ADD3: variants seen among roughly 807,000 people sequenced by gnomAD.
ADD3 encodes the protein gamma-adducin.
A neutral mutation model predicts 80.2 loss-of-function variants in ADD3; 25 were observed. That is an observed-to-expected ratio of 0.31 (90% CI 0.23 to 0.44). The LOEUF (loss-of-function observed/expected upper bound fraction) is 0.44, where lower values mean the gene tolerates loss of function less well. Among genes scored for constraint, ADD3 ranks in the 20% least tolerant of loss-of-function variants. ADD3 has a pLI of 1.00. For missense variants in ADD3, 829 were observed against 847.5 expected (o/e 0.98, Z 0.27); for synonymous variants, 284 against 289.6 (o/e 0.98, Z 0.20).
intron 1 of ADD3, among the ~76,000 whole-genome samples, chr10:110,011,807 A>G (rs555713290): frequency 6.6e-6 from 1 of 152,330 alleles, no homozygotes; most frequent in South Asian, 2.1e-4. Context: ...TTAATACTCT[A>G]TGGTTTGAAC....
At chr10:110,089,372 A>G (rs1363009514) in intron 1 of ADD3, among the ~76,000 whole-genome samples, 2 of 152,140 alleles carry the variant, frequency 1.3e-5, no homozygotes, top group African/African-American at 4.8e-5. Context: ...ATTTTCTCTA[A>G]TAGCAGGGAA....
intron 1 of ADD3, among the ~76,000 whole-genome samples, chr10:110,023,715 G>C (rs1358404527): frequency 6.6e-6 from 1 of 152,154 alleles, no homozygotes; most frequent in African/African-American, 2.4e-5. Context: ...TTCTTAATCT[G>C]CTTTACTGCT....
chr10:110,062,609 C>T (rs149617570), intron 1 of ADD3, among the ~76,000 whole-genome samples: 1 of 152,160 alleles, frequency 6.6e-6, no homozygotes, highest in Non-Finnish European at 1.5e-5. Flanking sequence ...TACAAACCTA[C>T]CTTTATATAT....
At chr10:110,117,877 G>T (rs1312755570) in intron 5 of ADD3, among the ~76,000 whole-genome samples, 2 of 152,078 alleles carry the variant, frequency 1.3e-5, no homozygotes, top group Admixed American at 6.6e-5. Context: ...TTAGCTGGGC[G>T]TGGTGGCACA....
intron 1 of ADD3, among the ~76,000 whole-genome samples, chr10:110,018,460 G>A (rs919513933): frequency 2.5e-4 from 38 of 150,278 alleles, no homozygotes; most frequent in African/African-American, 8.3e-4. Flanking sequence ...CCTGGGAGGC[G>A]GAGGTTGCAG....
At chr10:110,131,553 G>A in intron 13 of ADD3, among the ~76,000 whole-genome samples, 1 of 152,202 alleles carries the variant, frequency 6.6e-6, no homozygotes, top group East Asian at 1.9e-4. Context: ...GTCCATGTTA[G>A]ATATCATTTA....
rs777179853 is a variant in ADD3, at chr10:110,112,863, T to G, written c.282T>G (p.Ile94Met). The G allele has an allele frequency of 2.0e-5, 33 of 1,614,154 alleles. No homozygotes were observed. In the Admixed American group the frequency reaches 5.0e-4, roughly 24 times the overall value. ...NPTGLLALQQ[I>M]ADYIMANSFS... ...CTGGATTACTAGCATTACAGCAGAT[T>G]GCAGATTACATCATGGCCAATTCTT... is the stretch of plus-strand genomic sequence containing the variant. The change falls in exon 3 of 15, where the codon ATT becomes ATG. Residue 94 changes from isoleucine (I) to methionine (M), a missense_variant. Transcript: ENST00000356080.
intron 12 of ADD3, among the ~76,000 whole-genome samples, chr10:110,127,010 A>T (rs1852260670): frequency 6.6e-6 from 1 of 152,252 alleles, no homozygotes; most frequent in Non-Finnish European, 1.5e-5. Flanking sequence ...TCCCAATTTC[A>T]GAGATGGAAA....
chr10:110,081,941 A>G (rs1846104305), intron 1 of ADD3, among the ~76,000 whole-genome samples: 1 of 152,192 alleles, frequency 6.6e-6, no homozygotes, highest in Non-Finnish European at 1.5e-5. Flanking sequence ...TATGGTGGCA[A>G]AATCAGTCAA....
At chr10:110,032,987 T>C (rs903454845) in intron 1 of ADD3, among the ~76,000 whole-genome samples, 1 of 152,212 alleles carries the variant, frequency 6.6e-6, no homozygotes, top group African/African-American at 2.4e-5. Flanking sequence ...CTAGGCTTTA[T>C]AAAAGAGACA....
At chr10:110,007,293 C>T (rs949246038), upstream of ADD3, among the ~76,000 whole-genome samples, 10 of 152,154 alleles carry the variant, frequency 6.6e-5, no homozygotes, top group African/African-American at 2.2e-4. Flanking sequence ...CTGTCCTCCC[C>T]CTATGTGGAG....
chr10:110,018,991 T>TTTCC lies in ADD3; in HGVS notation c.-30+10692_-30+10693insTTCC, dbSNP rs1023352616. ...AAAGTTAGTATTAATAGAAAGACTT[T>TTTCC]AGGAATCCTCATCATTCCCAGCGCT... On this transcript the variant is annotated intron_variant, in intron 1 of 14. Coordinates refer to ENST00000356080, the MANE Select transcript of ADD3 (RefSeq NM_016824.5). Among the ~76,000 whole-genome samples the TTTCC allele has an allele frequency of 2.0e-5, 3 of 152,338 alleles. No individual in the cohort carries two copies. In the South Asian group the frequency reaches 6.2e-4, roughly 32 times the overall value.
intron 1 of ADD3, among the ~76,000 whole-genome samples, chr10:110,081,592 C>G (rs976875721): frequency 1.3e-5 from 2 of 152,144 alleles, no homozygotes; most frequent in Non-Finnish European, 2.9e-5. Context: ...ACACCAGTTT[C>G]TCACTAATTG....
At chr10:110,053,428 C>G (rs1857755767) in intron 1 of ADD3, among the ~76,000 whole-genome samples, 1 of 151,744 alleles carries the variant, frequency 6.6e-6, no homozygotes, top group Admixed American at 6.6e-5. Context: ...AAGGTCATCT[C>G]TATGTGTTTA....
chr10:110,085,014 T>A (rs952354859), intron 1 of ADD3, among the ~76,000 whole-genome samples: 1 of 152,214 alleles, frequency 6.6e-6, no homozygotes, highest in Admixed American at 6.5e-5. Context: ...AGACTTGGGT[T>A]GTTGTCTCTT....
chr10:110,061,969 A>G (rs1422113280), intron 1 of ADD3, among the ~76,000 whole-genome samples: 1 of 152,042 alleles, frequency 6.6e-6, no homozygotes, highest in Non-Finnish European at 1.5e-5. Flanking sequence ...GCTCACACCT[A>G]TAATCCCAAC....
intron 1 of ADD3, among the ~76,000 whole-genome samples, chr10:110,021,142 G>T (rs1853622856): frequency 6.6e-6 from 1 of 152,150 alleles, no homozygotes; most frequent in Non-Finnish European, 1.5e-5. Context: ...GCTTTGAAGG[G>T]ATTTAATGTA....
intron 1 of ADD3, among the ~76,000 whole-genome samples, chr10:110,032,982 C>G (rs571433245): frequency 1.8e-4 from 28 of 152,176 alleles, no homozygotes; most frequent in Non-Finnish European, 3.4e-4. Context: ...CATCCCTAGG[C>G]TTTATAAAAG....
In ADD3 at chr10:110,008,016, A is replaced by C. The variant is rs569566436; in HGVS notation, c.-313A>C. 7 of 152,210 alleles carry C rather than the reference A, an allele frequency of 4.6e-5. No individual in the cohort carries two copies. Among genetic ancestry groups the C allele is most frequent in the African/African-American group, 1.7e-4 (7 of 41,510 alleles). 9.4% of individuals were successfully genotyped at this position (152,210 alleles called of 1,614,324 possible). On this transcript the variant is annotated 5_prime_UTR_variant, in exon 1 of 15. Coordinates refer to ENST00000356080, the MANE Select transcript of ADD3 (RefSeq NM_016824.5). The stretch of plus-strand genomic sequence containing the variant: ...GAGCCGCCAGCCCGTAACGGTCGCC[A>C]GTGTGAGGGGCGGGAGGGAAAGAAG...
Sources: gnomAD v4.1 joint callset for allele counts (sites outside exome capture counted in the v4.1 genomes callset) on GRCh38, gnomAD v4.1.1 for gene constraint, MANE v1.5 for transcripts, NCBI Gene and HGNC (gene_info 2026-07-23, HGNC 2026-07-21) for gene names.